SNED1: variants seen among roughly 807,000 people sequenced by gnomAD.
SNED1 encodes the protein sushi, nidogen and EGF like domains 1, also known as sushi, nidogen and EGF-like domain-containing protein 1.
Under a neutral mutation model 166.7 loss-of-function variants are expected in SNED1, and 81 were observed. That is an observed-to-expected ratio of 0.49 (90% CI 0.41 to 0.58). The LOEUF (loss-of-function observed/expected upper bound fraction) is 0.58, where lower values mean the gene tolerates loss of function less well. Ranked by LOEUF, SNED1 falls within the 20% of genes least tolerant of loss-of-function variation. SNED1 has a pLI of 0.00. For synonymous variants in SNED1, 762 were observed against 822.0 expected (o/e 0.93, Z 1.25); for missense variants, 1,604 against 2,000.2 (o/e 0.80, Z 3.78).
At chr2:241,001,520 CACAG>C (rs1228070235) in intron 1 of SNED1, among the ~76,000 whole-genome samples, 44 of 152,266 alleles carry the variant, frequency 2.9e-4, no homozygotes, top group Admixed American at 7.2e-4. Context: ...AGGTTCTACA[CACAG>C]ACAAAGATAA....
At chr2:241,009,880 C>T (rs1301531952) in intron 1 of SNED1, among the ~76,000 whole-genome samples, 1 of 152,134 alleles carries the variant, frequency 6.6e-6, no homozygotes, top group Non-Finnish European at 1.5e-5. Context: ...GGGCCAGGGG[C>T]CAGCCTCCTT....
At chr2:241,063,914 G>GC in intron 18 of SNED1, 98 bp from the exon 19 acceptor site, 2 of 965,152 alleles carry the variant, frequency 2.1e-6, no homozygotes, top group Non-Finnish European at 3.1e-6. Flanking sequence ...CCTGGCCTCC[G>GC]CCCCTAGACT....
Position 241,063,784 on chromosome 2 carries a change from C to A in SNED1, c.2485+84C>A, listed in dbSNP as rs2125183962. 2.8e-6 allele frequency: 3 copies of A among 1,089,254 alleles called. No individual in the cohort carries two copies. In the Admixed American group the frequency reaches 7.0e-5, roughly 25 times the overall value. The allele number at this position is 1,089,254 out of a possible 1,614,324, so 67.5% of individuals were successfully genotyped here. ...AGGAGGTGGGGCATCCCCACATTCC[C>A]TGCTGGGCAGGCCACCTGGGGAGAG... On this transcript the variant is annotated intron_variant, in intron 18 of 31. Transcript: ENST00000310397.
chr2:241,079,560 G>C (rs1432681604), intron 27 of SNED1, among the ~76,000 whole-genome samples: 1 of 152,190 alleles, frequency 6.6e-6, no homozygotes. Flanking sequence ...AGGAGGGAAA[G>C]AACTGCATAA....
chr2:241,052,723 ATAC>A (rs2061904403), intron 15 of SNED1, among the ~76,000 whole-genome samples: 1 of 62,306 alleles, frequency 1.6e-5, no homozygotes, highest in Non-Finnish European at 3.0e-5. Flanking sequence ...GGTACATGGG[ATAC>A]CAGTGCCAGG....
At position 240,999,422 on chromosome 2, in the gene SNED1, C is replaced by T. The variant is rs2060008905; in HGVS notation, c.213+372C>T. 6.6e-6 allele frequency among the ~76,000 whole-genome samples: 1 copy of T among 152,180 alleles called. No individual in the cohort carries two copies. The highest frequency in any genetic ancestry group is 2.4e-5 in the African/African-American group (1 of 41,434). ...TGGCCGTGGGCACGGGCTTCCCGGG[C>T]CTCAGTTTCCCAAGTGGGGCGCCGG... On this transcript the variant is annotated intron_variant, in intron 1 of 31. Transcript: ENST00000310397. This position sits in a 1 kb window ranked among gnomAD's most constrained non-coding sequence, Gnocchi z 5.8.
rs2061754401 is a variant in SNED1, at chr2:241,049,215, AGGCC to A, written c.1618+81_1618+84del. ...AGAAAGCGGTGGATGAGGCAGGCAG[AGGCC>A]AGAGTCCCTACTTCCCTTCTGACTC... On this transcript the variant is annotated intron_variant, in intron 11 of 31. Coordinates refer to ENST00000310397, the MANE Select transcript of SNED1 (RefSeq NM_001080437.3). 4 of 1,080,454 alleles carry A rather than the reference AGGCC, an allele frequency of 3.7e-6. No individual in the cohort carries two copies. The South Asian group carries it at 5.5e-5, about 15-fold the overall frequency. 66.9% of individuals were successfully genotyped at this position (1,080,454 alleles called of 1,614,324 possible).
chr2:241,081,928 G>A, intron 28 of SNED1, 135 bp downstream of exon 28: 2 of 693,500 alleles, frequency 2.9e-6, no homozygotes, highest in Non-Finnish European at 5.0e-6. Context: ...TGGTGCACGG[G>A]GCTGACCCCT....
In SNED1 at chr2:241,073,224, C is replaced by A. The variant is rs1277749328; in HGVS notation, c.3818-42C>A. 3 of 1,464,062 alleles carry A rather than the reference C, an allele frequency of 2.0e-6. No individual in the cohort carries two copies. The highest frequency in any genetic ancestry group is 2.8e-6 in the Non-Finnish European group (3 of 1,069,614). 90.7% of individuals were successfully genotyped at this position (1,464,062 alleles called of 1,614,324 possible). A position where few individuals can be genotyped will look rare whatever the true frequency, so the allele number is the denominator to read the frequency against. ...GGTGGCCCCAGGACCATCCCGGGTG[C>A]AAAGCAGCTGCGCCGTGTGGTCACC... On this transcript the variant is annotated intron_variant, in intron 26 of 31. Coordinates refer to ENST00000310397, the MANE Select transcript of SNED1 (RefSeq NM_001080437.3). The surrounding 1 kb of genome is among the most constrained non-coding windows in gnomAD (Gnocchi z 6.6).
Position 241,071,700 on chromosome 2 carries a change from G to T in SNED1, c.3714G>T (p.Glu1238Asp). ...LRLLNDHSAPETPTQPPRFSE... is the reference protein window; with the variant it reads ...LRLLNDHSAPDTPTQPPRFSE... ...TGCTCAATGACCACAGCGCCCCCGA[G>T]ACCCCCACCCAGCCCCCCAGGTACA... Residue 1238 changes from glutamate to aspartate, a missense_variant, in exon 25 of 32, where the codon GAG (glutamate) becomes GAT (aspartate). This residue lies in a region of SNED1 where 367 missense variants were observed against 379.4 expected (regional missense o/e 0.97). Transcript: ENST00000310397. 1 of 1,502,386 alleles carries T rather than the reference G, an allele frequency of 6.7e-7. No individual in the cohort carries two copies. The highest frequency in any genetic ancestry group is 2.0e-5 in the Admixed American group (1 of 50,908). The allele number at this position is 1,502,386 out of a possible 1,614,324, so 93.1% of individuals were successfully genotyped here.
At chr2:241,046,643 G>GT (rs773997892) in intron 8 of SNED1, among the ~76,000 whole-genome samples, 2 of 152,202 alleles carry the variant, frequency 1.3e-5, no homozygotes, top group African/African-American at 2.4e-5. Flanking sequence ...GGACTGAGGG[G>GT]TAACAGGAGC....
Position 241,037,251 on chromosome 2 carries a change from T to C in SNED1, c.943T>C (p.Cys315Arg), listed in dbSNP as rs2061405567. The C allele has an allele frequency of 6.2e-7, 1 of 1,610,082 alleles. No homozygotes were observed. Among genetic ancestry groups the C allele is most frequent in the Admixed American group, 1.7e-5 (1 of 59,650 alleles). The change falls in exon 6 of 32, where the codon TGT becomes CGT. Residue 315 changes from cysteine (C) to arginine (R), a missense_variant. Cys to Arg is a radical substitution (Grantham distance 180). This residue lies in a region of SNED1 where 1,237 missense variants were observed against 1,620.8 expected (regional missense o/e 0.76). Coordinates refer to ENST00000310397, the MANE Select transcript of SNED1 (RefSeq NM_001080437.3). ...GCCCCATGTTTCAGACGTGAACGAATGTGCCTCCCAGCCCTGTCAGAATGG... is the reference window on the plus strand; with the variant it reads ...GCCCCATGTTTCAGACGTGAACGAACGTGCCTCCCAGCCCTGTCAGAATGG... ...GRRCHLDVNE[C>R]ASQPCQNGGT...
At position 241,033,807 on chromosome 2, in the gene SNED1, G is replaced by C; in HGVS notation, c.574G>C (p.Val192Leu). The change falls in exon 3 of 32, where the codon GTG becomes CTG. Residue 192 changes from valine to leucine, a missense_variant. By Grantham distance (32) the Val-to-Leu change is conservative (BLOSUM62 1). Coordinates refer to ENST00000310397, the MANE Select transcript of SNED1 (RefSeq NM_001080437.3). Reference protein sequence around the residue: ...SFTIFNYESIVWTTGTHASSG... With the variant: ...SFTIFNYESILWTTGTHASSG... Reference sequence around the variant, plus strand: ...CACCATCTTCAACTATGAGTCCATCGTGTGGACCACAGGCACACACGCCAG... The same window carrying C: ...CACCATCTTCAACTATGAGTCCATCCTGTGGACCACAGGCACACACGCCAG... The C allele has an allele frequency of 6.2e-7, 1 of 1,610,952 alleles. No individual in the cohort carries two copies. The highest frequency in any genetic ancestry group is 8.5e-7 in the Non-Finnish European group (1 of 1,179,212).
At chr2:241,052,707 A>G (rs1316146689) in intron 15 of SNED1, among the ~76,000 whole-genome samples, 1 of 74,296 alleles carries the variant, frequency 1.3e-5, no homozygotes, top group East Asian at 5.0e-4. Flanking sequence ...GGGGGGGGTC[A>G]AGCAGGGTAC....
At chr2:241,032,555 A>T (rs554589218) in intron 2 of SNED1, among the ~76,000 whole-genome samples, 1 of 152,258 alleles carries the variant, frequency 6.6e-6, no homozygotes, top group South Asian at 2.1e-4. Context: ...TAATGGGTGC[A>T]GCACACCAAC....
chr2:240,998,878 C>T lies in SNED1; in HGVS notation c.41C>T (p.Ala14Val). 1 of 1,219,400 alleles carries T rather than the reference C, an allele frequency of 8.2e-7. No homozygotes were observed. The highest frequency in any genetic ancestry group is 1.0e-6 in the Non-Finnish European group (1 of 981,804). The allele number at this position is 1,219,400 out of a possible 1,614,324, so 75.5% of individuals were successfully genotyped here. The stretch of plus-strand genomic sequence containing the variant: ...GCCTGGGCGCTGCTGGTGGCCGCGG[C>T]CCTGGGGCTTGGGGCGCGCGGGGTG... The part of the protein sequence containing the change: ...GVAWALLVAA[A>V]LGLGARGVRG... The change falls in exon 1 of 32, where the codon GCC (alanine) becomes GTC (valine). Residue 14 changes from alanine (A) to valine (V), a missense_variant. Transcript: ENST00000310397.
chr2:241,086,709 G>T (rs1377281203), intron 29 of SNED1, among the ~76,000 whole-genome samples: 1 of 152,204 alleles, frequency 6.6e-6, no homozygotes, highest in East Asian at 1.9e-4. Context: ...GGTTCTATGA[G>T]ACTTAGCATA....
chr2:241,038,225 T>C (rs2061431193), intron 6 of SNED1, among the ~76,000 whole-genome samples: 1 of 152,218 alleles, frequency 6.6e-6, no homozygotes, highest in African/African-American at 2.4e-5. Flanking sequence ...CAAAAACATG[T>C]AATAGATTGT....
At chr2:241,050,720 C>G (rs1431776457) in intron 12 of SNED1, among the ~76,000 whole-genome samples, 4 of 152,202 alleles carry the variant, frequency 2.6e-5, no homozygotes, top group Admixed American at 2.0e-4. Context: ...CTTTGTCTCT[C>G]AACACACTCC....
Sources: allele counts gnomAD v4.1 joint callset (sites outside exome capture counted in the v4.1 genomes callset), GRCh38; gene constraint gnomAD v4.1.1; regional missense constraint gnomAD v4.1.1; non-coding constraint Gnocchi (gnomAD v3.1); transcripts MANE v1.5; gene names NCBI Gene and HGNC (gene_info 2026-07-23, HGNC 2026-07-21).